The following ARSB variants were observed in gnomAD, a reference collection of about 807,000 sequenced individuals.
ARSB encodes N-acetylgalactosamine-4-sulfatase.
A neutral mutation model predicts 50.9 loss-of-function variants in ARSB; 41 were observed. The ratio of observed to expected loss-of-function variants is 0.81; its 90% CI spans 0.63 to 1.04. The LOEUF (loss-of-function observed/expected upper bound fraction) is 1.04, where lower values mean the gene tolerates loss of function less well. Ranked by LOEUF, ARSB falls within the 50% of genes least tolerant of loss-of-function variation. The pLI is 0.00. For synonymous variants in ARSB, 269 were observed against 284.8 expected (o/e 0.94, Z 0.56); for missense variants, 672 against 693.3 (o/e 0.97, Z 0.35).
chr5:78,934,095 G>T (rs1355398031), intron 4 of ARSB, among the ~76,000 whole-genome samples: 1 of 152,136 alleles, frequency 6.6e-6, no homozygotes. Flanking sequence ...AGGGAGTTGA[G>T]TTCTCCCAAA....
rs1386690604 is a variant in ARSB, at chr5:78,981,221, ATTAC to A, written c.312+3712_312+3715del. ...CGCCTCGGCCTCCCAAAGTGCTGGG[ATTAC>A]AGGCGTGAGCCACCGCGCCCGGCCG... On this transcript the variant is annotated intron_variant, in intron 1 of 7. Transcript: ENST00000264914. 4.0e-5 allele frequency among the ~76,000 whole-genome samples: 6 copies of A among 148,298 alleles called. 1 individual carries two copies. Among genetic ancestry groups the A allele is most frequent in the Admixed American group, 6.8e-5 (1 of 14,714 alleles).
At chr5:78,935,951 C>T (rs1750566436) in intron 4 of ARSB, among the ~76,000 whole-genome samples, 2 of 130,460 alleles carry the variant, frequency 1.5e-5, no homozygotes, top group South Asian at 3.1e-4. Flanking sequence ...CCCCTCCCCT[C>T]CCCCCTTCTC....
intron 1 of ARSB, among the ~76,000 whole-genome samples, chr5:78,973,411 G>A (rs1752540762): frequency 6.6e-6 from 1 of 152,208 alleles, no homozygotes; most frequent in African/African-American, 2.4e-5. Flanking sequence ...CAAAAGGTCT[G>A]CAAATCCAGT....
chr5:78,951,831 A>C (rs1215662137), intron 4 of ARSB, among the ~76,000 whole-genome samples: 1 of 152,228 alleles, frequency 6.6e-6, no homozygotes, highest in Non-Finnish European at 1.5e-5. Context: ...AACATTCTAT[A>C]AACTATTCCA....
intron 4 of ARSB, among the ~76,000 whole-genome samples, chr5:78,919,058 A>G (rs762400988): frequency 1.7e-4 from 26 of 152,340 alleles, no homozygotes; most frequent in Non-Finnish European, 3.8e-4. Flanking sequence ...TACAATTTCA[A>G]TACAGGAAGC....
At chr5:78,817,668 G>T (rs935071020) in intron 6 of ARSB, among the ~76,000 whole-genome samples, 5 of 152,008 alleles carry the variant, frequency 3.3e-5, no homozygotes, top group Admixed American at 3.3e-4. Flanking sequence ...AATTAGCTGG[G>T]TGTGGTGCCA....
intron 6 of ARSB, among the ~76,000 whole-genome samples, chr5:78,804,417 G>C (rs1373533052): frequency 6.6e-6 from 1 of 152,190 alleles, no homozygotes; most frequent in African/African-American, 2.4e-5. Flanking sequence ...AGGAAAAAAA[G>C]TAGAGAGTAA....
chr5:78,813,332 G>A (rs1316209597), intron 6 of ARSB, among the ~76,000 whole-genome samples: 1 of 152,154 alleles, frequency 6.6e-6, no homozygotes. Flanking sequence ...CCAAAGTGCT[G>A]AGTTTACAGG....
chr5:78,809,254 G>T (rs894566737), intron 6 of ARSB, among the ~76,000 whole-genome samples: 1 of 152,224 alleles, frequency 6.6e-6, no homozygotes, highest in African/African-American at 2.4e-5. Flanking sequence ...GGTCAGAGCG[G>T]CTGGGAAGGA....
In ARSB at chr5:78,792,433, C is replaced by T. The variant is rs1008011796; in HGVS notation, c.1214-10459G>A. On this transcript the variant is annotated intron_variant, in intron 6 of 7. Transcript: ENST00000264914. ...AGGCCATCCTGGGCCACGTGCAGCC[C>T]GTGGGCCATGGGTTTGAATAAGCTT... 3.9e-5 allele frequency among the ~76,000 whole-genome samples: 6 copies of T among 152,106 alleles called. No individual in the cohort carries two copies. The South Asian group carries it at 8.3e-4, about 21-fold the overall frequency.
intron 6 of ARSB, among the ~76,000 whole-genome samples, chr5:78,834,911 TA>T (rs1744881631): frequency 6.6e-6 from 1 of 151,006 alleles, no homozygotes; most frequent in East Asian, 2.0e-4. Context: ...TAACAGTGAA[TA>T]AGGGTTCCAA....
chr5:78,830,363 G>C (rs1443530861), intron 6 of ARSB, among the ~76,000 whole-genome samples: 2 of 152,198 alleles, frequency 1.3e-5, no homozygotes, highest in Non-Finnish European at 2.9e-5. Flanking sequence ...TGCAGGGCCA[G>C]GCCAAGTCCT....
intron 4 of ARSB, among the ~76,000 whole-genome samples, chr5:78,907,474 C>G (rs1749115903): frequency 6.6e-6 from 1 of 152,168 alleles, no homozygotes; most frequent in Non-Finnish European, 1.5e-5. Flanking sequence ...ACATACAAAA[C>G]TCTCAGTAAC....
intron 5 of ARSB, among the ~76,000 whole-genome samples, chr5:78,874,508 C>G (rs1747396652): frequency 6.6e-6 from 1 of 151,356 alleles, no homozygotes; most frequent in African/African-American, 2.4e-5. Context: ...AAAAAAGGGA[C>G]TAAGGAATTA....
chr5:78,914,195 C>T (rs184001077), intron 4 of ARSB, among the ~76,000 whole-genome samples: 570 of 152,052 alleles, frequency 3.7e-3, no homozygotes, highest in Middle Eastern at 6.8e-3. Flanking sequence ...AAATTCCTGG[C>T]CTCAAGTAAT....
chr5:78,847,656 G>A (rs543501210), intron 5 of ARSB, among the ~76,000 whole-genome samples: 1 of 152,292 alleles, frequency 6.6e-6, no homozygotes, highest in South Asian at 2.1e-4. Flanking sequence ...TTCTTTAAAT[G>A]TTTTGTAGAA....
chr5:78,816,109 G>A, intron 6 of ARSB: 1 of 1,614,104 alleles, frequency 6.2e-7, no homozygotes, highest in South Asian at 1.1e-5. Flanking sequence ...GAGCACTCAG[G>A]CCAGTCTGTA....
At chr5:78,863,801 A>G (rs1444597103) in intron 5 of ARSB, among the ~76,000 whole-genome samples, 1 of 152,080 alleles carries the variant, frequency 6.6e-6, no homozygotes, top group Non-Finnish European at 1.5e-5. Flanking sequence ...CTTTGCATGC[A>G]GGGCTACTGA....
rs573404931 is a variant in ARSB, at chr5:78,793,896, T to A, written c.1214-11922A>T. Among the ~76,000 whole-genome samples the A allele has an allele frequency of 8.2e-4, 125 of 152,242 alleles. 1 individual carries two copies. The highest frequency in any genetic ancestry group is 7.2e-4 in the Admixed American group (11 of 15,292). ...TAGAAAGATTTCAATTTTTATTATT[T>A]TTTTTTTGAGGCGATGAGGCAAGTA... On this transcript the variant is annotated intron_variant, in intron 6 of 7. Coordinates refer to ENST00000264914, the MANE Select transcript of ARSB (RefSeq NM_000046.5).
Sources: gnomAD v4.1 joint callset for allele counts (sites outside exome capture counted in the v4.1 genomes callset) on GRCh38, gnomAD v4.1.1 for gene constraint, MANE v1.5 for transcripts, NCBI Gene and HGNC (gene_info 2026-07-23, HGNC 2026-07-21) for gene names.